BIRC6: variants seen among roughly 807,000 people sequenced by gnomAD.
BIRC6 encodes dual E2 ubiquitin-conjugating enzyme/E3 ubiquitin-protein ligase BIRC6.
In BIRC6, 98 loss-of-function variants were observed where a neutral mutation model predicts 503.3. That is an observed-to-expected ratio of 0.19 (90% CI 0.17 to 0.23). BIRC6 has a LOEUF of 0.23. BIRC6 is among the 10% of genes least tolerant of loss of function. BIRC6 has a pLI of 1.00. For missense variants in BIRC6, 5,360 were observed against 5,806.0 expected (o/e 0.92, Z 2.50); for synonymous variants, 2,240 against 2,078.7 (o/e 1.08, Z -2.11).
chr2:32,587,374 G>A (rs1018908621), intron 66 of BIRC6, among the ~76,000 whole-genome samples: 1 of 152,040 alleles, frequency 6.6e-6, no homozygotes, highest in Non-Finnish European at 1.5e-5. Flanking sequence ...GCAACAGAAC[G>A]AGACTCCGTC....
Position 32,441,523 on chromosome 2 carries a change from C to T in BIRC6, c.3944+61C>T. 3.6e-6 allele frequency: 5 copies of T among 1,375,450 alleles called. No homozygotes were observed. The South Asian group carries it at 7.8e-5, about 21-fold the overall frequency. The allele number at this position is 1,375,450 out of a possible 1,614,324, so 85.2% of individuals were successfully genotyped here. The stretch of plus-strand genomic sequence containing the variant: ...AATGAAAGTGCAGAGCATAACACCA[C>T]ACACATACACACACAAATAAAAAAT... On this transcript the variant is annotated intron_variant, in intron 17 of 73. Coordinates refer to ENST00000421745, the MANE Select transcript of BIRC6 (RefSeq NM_016252.4).
chr2:32,409,817 TA>T (rs2041653937), intron 9 of BIRC6, among the ~76,000 whole-genome samples: 1 of 152,232 alleles, frequency 6.6e-6, no homozygotes, highest in Non-Finnish European at 1.5e-5. Flanking sequence ...GGTATTTGTG[TA>T]AAAATTTATT....
intron 61 of BIRC6, among the ~76,000 whole-genome samples, chr2:32,540,257 T>G (rs2057553932): frequency 6.6e-6 from 1 of 152,076 alleles, no homozygotes; most frequent in Admixed American, 6.5e-5. Context: ...TTGGAGCATT[T>G]GACTACTTTA....
Position 32,398,904 on chromosome 2 carries a change from T to G in BIRC6, c.1035-2259T>G, listed in dbSNP as rs1255097160. On this transcript the variant is annotated intron_variant, in intron 6 of 73. Coordinates refer to ENST00000421745, the MANE Select transcript of BIRC6 (RefSeq NM_016252.4). ...GGAAAGACATCTACATATTAAAAATTGCCCAGGATTTATAGATGGATTTAT... is the reference window on the plus strand; with the variant it reads ...GGAAAGACATCTACATATTAAAAATGGCCCAGGATTTATAGATGGATTTAT... Among the ~76,000 whole-genome samples the G allele has an allele frequency of 2.0e-5, 3 of 152,116 alleles. No homozygotes were observed. In the East Asian group the frequency reaches 5.8e-4, roughly 29 times the overall value.
In BIRC6 at chr2:32,357,615, A is replaced by G; in HGVS notation, c.325+129A>G. ...GGCTGGGGGTTCGGGCCCAGCCGTGAAGGGAGGCCCGGAAGCTGATGGAGG... is the reference window on the plus strand; with the variant it reads ...GGCTGGGGGTTCGGGCCCAGCCGTGGAGGGAGGCCCGGAAGCTGATGGAGG... On this transcript the variant is annotated intron_variant, in intron 1 of 73. Coordinates refer to ENST00000421745, the MANE Select transcript of BIRC6 (RefSeq NM_016252.4). This position sits in a 1 kb window ranked among gnomAD's most constrained non-coding sequence, Gnocchi z 4.9. 7.0e-7 allele frequency: 1 copy of G among 1,428,486 alleles called. No individual in the cohort carries two copies. Among genetic ancestry groups the G allele is most frequent in the Non-Finnish European group, 9.1e-7 (1 of 1,093,982 alleles). The allele number at this position is 1,428,486 out of a possible 1,614,324, so 88.5% of individuals were successfully genotyped here.
At chr2:32,530,385 AT>A (rs1180536215) in intron 60 of BIRC6, among the ~76,000 whole-genome samples, 1 of 151,720 alleles carries the variant, frequency 6.6e-6, no homozygotes, top group Non-Finnish European at 1.5e-5. Context: ...TAATTTTTGT[AT>A]TTTTTGTAGA....
At chr2:32,431,382 G>T (rs1460639388) in intron 12 of BIRC6, among the ~76,000 whole-genome samples, 2 of 151,648 alleles carry the variant, frequency 1.3e-5, no homozygotes, top group Admixed American at 6.6e-5. Flanking sequence ...TTTAGGTAGA[G>T]ATGGGGTTTC....
Position 32,388,898 on chromosome 2 carries a change from G to C in BIRC6, c.794G>C (p.Ser265Thr), listed in dbSNP as rs753026604. ...GACAGATTGTCTTACCTCTTACCTA[G>C]TGCACGTCCAGAACTCGGAGTGGGG... ...VMDRLSYLLP[S>T]ARPELGVGPG... The change falls in exon 4 of 74, where the codon AGT (serine) becomes ACT (threonine). Residue 265 changes from serine (S) to threonine (T), a missense_variant. Transcript: ENST00000421745. 1 of 1,608,310 alleles carries C rather than the reference G, an allele frequency of 6.2e-7. No homozygotes were observed. The highest frequency in any genetic ancestry group is 1.3e-5 in the African/African-American group (1 of 74,854).
chr2:32,515,146 T>C lies in BIRC6; in HGVS notation c.10725T>C (p.His3575=), dbSNP rs374767916. The C allele has an allele frequency of 2.0e-5, 33 of 1,613,898 alleles. No homozygotes were observed. Among genetic ancestry groups the C allele is most frequent in the African/African-American group, 2.7e-5 (2 of 74,930 alleles). Residue 3575 remains histidine, a synonymous_variant, in exon 55 of 74, where the codon CAT becomes CAC. Transcript: ENST00000421745. ...CCCCTCCTCCAGTGCAATGTCATCA[T>C]AGACTGTCCATGACAGATGATAGCA... ...GITPPPVQCH[H]RLSMTDDSKK...
At chr2:32,406,270 C>A (rs2041205072) in intron 8 of BIRC6, among the ~76,000 whole-genome samples, 3 of 151,958 alleles carry the variant, frequency 2.0e-5, no homozygotes, top group African/African-American at 7.3e-5. Context: ...GTGGCGTGTG[C>A]CTGTGGTCCC....
chr2:32,514,844 A>T (rs2054854353), intron 54 of BIRC6, 146 bp from the exon 55 acceptor site: 2 of 613,502 alleles, frequency 3.3e-6, no homozygotes, highest in Non-Finnish European at 5.6e-6. Context: ...ATATATATGC[A>T]GTCTTAAATC....
intron 73 of BIRC6, among the ~76,000 whole-genome samples, chr2:32,616,075 G>C (rs1298666646): frequency 1.3e-5 from 2 of 152,108 alleles, no homozygotes; most frequent in African/African-American, 4.8e-5. Flanking sequence ...CTGCAATATA[G>C]AGCAAAGCAA....
rs549268567 is a variant in BIRC6, at chr2:32,436,609, T to C, written c.3631+425T>C. 2.6e-5 allele frequency among the ~76,000 whole-genome samples: 4 copies of C among 152,304 alleles called. No homozygotes were observed. The East Asian group carries it at 7.7e-4, about 29-fold the overall frequency. On this transcript the variant is annotated intron_variant, in intron 15 of 73. Coordinates refer to ENST00000421745, the MANE Select transcript of BIRC6 (RefSeq NM_016252.4). ...TTGTTTTTGTTTTTTTGAGACAGTC[T>C]CATTCTGTCACCCAGGCTGGAGTGT...
intron 65 of BIRC6, chr2:32,564,544 G>A (rs1340254834): frequency 2.0e-5 from 3 of 152,188 alleles, no homozygotes; most frequent in African/African-American, 7.2e-5. Context: ...ATCTTACTGG[G>A]TGTGAGATGG....
At chr2:32,394,528 G>C (rs902054413) in intron 5 of BIRC6, among the ~76,000 whole-genome samples, 1 of 151,950 alleles carries the variant, frequency 6.6e-6, no homozygotes, top group Admixed American at 6.6e-5. Context: ...GTATGTGATT[G>C]AGTATTTAAT....
At position 32,508,273 on chromosome 2, in the gene BIRC6, GTCC is replaced by G; in HGVS notation, c.9980+16_9980+18del. On this transcript the variant is annotated intron_variant, in intron 51 of 73. Transcript: ENST00000421745. ...ATCCAAAACAAGGTATGTTTTGTTTGTCCTTTTTTTTTTTTTTTTTTTTTTTTT... is the reference window on the plus strand; with the variant it reads ...ATCCAAAACAAGGTATGTTTTGTTTGTTTTTTTTTTTTTTTTTTTTTTTTT... 1.9e-6 allele frequency: 1 copy of G among 531,184 alleles called. No homozygotes were observed. The highest frequency in any genetic ancestry group is 2.4e-6 in the Non-Finnish European group (1 of 413,192). The allele number at this position is 531,184 out of a possible 1,614,324, so 32.9% of individuals were successfully genotyped here.
intron 65 of BIRC6, among the ~76,000 whole-genome samples, chr2:32,569,672 A>G (rs999921163): frequency 5.1e-5 from 7 of 137,476 alleles, no homozygotes; most frequent in Non-Finnish European, 1.1e-4. Flanking sequence ...ACACTTGTTC[A>G]TTTTTTTTTT....
At chr2:32,504,859 A>C in intron 49 of BIRC6, 146 bp from the exon 50 acceptor site, 3 of 726,802 alleles carry the variant, frequency 4.1e-6, no homozygotes, top group Non-Finnish European at 6.7e-6. Context: ...CTTTACGGTC[A>C]TGCTTAGGAT....
chr2:32,412,515 A>G (rs2041998344), intron 9 of BIRC6, among the ~76,000 whole-genome samples: 2 of 152,144 alleles, frequency 1.3e-5, no homozygotes, highest in Non-Finnish European at 2.9e-5. Flanking sequence ...ACAAAAAAAA[A>G]GAAAAGAATA....
Sources: gnomAD v4.1 joint callset for allele counts (sites outside exome capture counted in the v4.1 genomes callset) on GRCh38, gnomAD v4.1.1 for gene constraint, Gnocchi (gnomAD v3.1) non-coding constraint, MANE v1.5 for transcripts, NCBI Gene and HGNC (gene_info 2026-07-23, HGNC 2026-07-21) for gene names.